Variants in NCAM2 observed in about 807,000 individuals in gnomAD.
The protein encoded by NCAM2 is N-CAM-2.
Under a neutral mutation model 98.1 loss-of-function variants are expected in NCAM2, and 30 were observed. The ratio of observed to expected loss-of-function variants is 0.31; its 90% confidence interval spans 0.23 to 0.41. The LOEUF (loss-of-function observed/expected upper bound fraction) is 0.41, where lower values mean the gene tolerates loss of function less well. NCAM2 is among the 10% of genes least tolerant of loss of function. The pLI is 1.00. For missense variants in NCAM2, 867 were observed against 1,005.8 expected (o/e 0.86, Z 1.87); for synonymous variants, 368 against 342.4 (o/e 1.07, Z -0.83).
chr21:21,357,541 T>C (rs1451811344), intron 8 of NCAM2, among the ~76,000 whole-genome samples: 6 of 152,068 alleles, frequency 3.9e-5, no homozygotes, highest in African/African-American at 7.2e-5. Context: ...TAAAAAAAGC[T>C]CTGGTGAAAT....
chr21:21,023,447 C>G (rs1232513382), intron 1 of NCAM2, among the ~76,000 whole-genome samples: 1 of 151,482 alleles, frequency 6.6e-6, no homozygotes, highest in Non-Finnish European at 1.5e-5. Flanking sequence ...TCACTTGAAT[C>G]TGGGAGGCGG....
chr21:21,284,139 T>G, intron 2 of NCAM2, 55 bp from the exon 3 acceptor site: 1 of 1,408,250 alleles, frequency 7.1e-7, no homozygotes, highest in Non-Finnish European at 1.0e-6. Flanking sequence ...ATGCCAATGT[T>G]CAAACAAATA....
chr21:21,146,759 T>G (rs887444256), intron 1 of NCAM2, among the ~76,000 whole-genome samples: 2 of 152,114 alleles, frequency 1.3e-5, no homozygotes, highest in Admixed American at 6.5e-5. Flanking sequence ...TAAATTTTCC[T>G]TGGATAACAC....
chr21:21,030,491 G>C (rs771882308), intron 1 of NCAM2, among the ~76,000 whole-genome samples: 6 of 152,124 alleles, frequency 3.9e-5, no homozygotes, highest in African/African-American at 7.2e-5. Context: ...TCTTGGGATT[G>C]TTTTAAACTC....
At chr21:21,308,436 A>G (rs908182613) in intron 5 of NCAM2, among the ~76,000 whole-genome samples, 3 of 152,144 alleles carry the variant, frequency 2.0e-5, no homozygotes, top group Non-Finnish European at 4.4e-5. Context: ...TACTATAAAC[A>G]TTATGAATCA....
chr21:21,516,535 T>G (rs533096266), intron 16 of NCAM2, among the ~76,000 whole-genome samples: 7 of 152,254 alleles, frequency 4.6e-5, no homozygotes, highest in South Asian at 4.1e-4. Context: ...GTGCCTAAAA[T>G]TCAAGAAACT....
At chr21:21,368,218 A>G (rs1347185867) in intron 8 of NCAM2, among the ~76,000 whole-genome samples, 1 of 151,994 alleles carries the variant, frequency 6.6e-6, no homozygotes, top group African/African-American at 2.4e-5. Flanking sequence ...ACAATCTACT[A>G]ATGTAGATAA....
intron 5 of NCAM2, among the ~76,000 whole-genome samples, chr21:21,312,688 A>G (rs187578050): frequency 1.3e-5 from 2 of 151,844 alleles, no homozygotes; most frequent in East Asian, 3.9e-4. Flanking sequence ...ATTTTCTTGT[A>G]CCATATATGA....
Position 21,324,445 on chromosome 21 carries a change from A to G in NCAM2, c.682A>G (p.Met228Val). ...FNATAERGEE[M>V]TFSCRASGSP... ...TGCCACAGCAGAGAGAGGAGAAGAAATGACATTTTCCTGCAGGGCCTCAGG... is the reference window on the plus strand; with the variant it reads ...TGCCACAGCAGAGAGAGGAGAAGAAGTGACATTTTCCTGCAGGGCCTCAGG... Residue 228 changes from methionine (M) to valine (V), a missense_variant, in exon 6 of 18, where the codon ATG becomes GTG. This residue lies in a region of NCAM2 where 447 missense variants were observed against 495.7 expected (regional missense o/e 0.90). Transcript: ENST00000400546. The G allele has an allele frequency of 6.2e-7, 1 of 1,613,844 alleles. No individual in the cohort carries two copies. Among genetic ancestry groups the G allele is most frequent in the Non-Finnish European group, 8.5e-7 (1 of 1,179,840 alleles).
At chr21:21,418,719 T>A (rs918849019) in intron 11 of NCAM2, 150 bp downstream of exon 11, 15 of 675,480 alleles carry the variant, frequency 2.2e-5, no homozygotes, top group Non-Finnish European at 3.5e-5. Context: ...ACCAGAGGCT[T>A]GGTAGTATAT....
chr21:21,372,650 G>A (rs2075945752), intron 8 of NCAM2, among the ~76,000 whole-genome samples: 1 of 151,798 alleles, frequency 6.6e-6, no homozygotes, highest in African/African-American at 2.4e-5. Context: ...TTTAGTGCAA[G>A]TATTTGACTC....
chr21:21,472,640 A>G (rs993684), intron 14 of NCAM2, among the ~76,000 whole-genome samples: 84,742 of 151,502 alleles, frequency 0.56, 25,096 homozygotes, highest in African/African-American at 0.7. Context: ...AGCTCACTAT[A>G]CAATTATAAA....
intron 9 of NCAM2, among the ~76,000 whole-genome samples, chr21:21,389,852 G>A (rs2076343491): frequency 6.6e-6 from 1 of 151,930 alleles, no homozygotes; most frequent in Admixed American, 6.6e-5. Flanking sequence ...CCATATTATG[G>A]CTATTATTAT....
intron 5 of NCAM2, among the ~76,000 whole-genome samples, chr21:21,297,459 A>G (rs1006819822): frequency 2.0e-5 from 3 of 151,752 alleles, no homozygotes. Context: ...CTTTCCTCAT[A>G]TCATCATACC....
At chr21:21,373,717 A>G (rs938020048) in intron 8 of NCAM2, 146 bp from the exon 9 acceptor site, 9 of 658,438 alleles carry the variant, frequency 1.4e-5, no homozygotes, top group African/African-American at 1.1e-4. Flanking sequence ...ATTCTTAGCT[A>G]TACAAGAAAT....
intron 15 of NCAM2, among the ~76,000 whole-genome samples, chr21:21,494,489 C>T (rs1254738054): frequency 1.3e-5 from 2 of 151,222 alleles, no homozygotes; most frequent in East Asian, 3.9e-4. Flanking sequence ...ATCTTTGAAG[C>T]TGCCTTTTCT....
chr21:21,530,531 TA>T (rs1161820967), intron 16 of NCAM2, among the ~76,000 whole-genome samples: 1 of 150,776 alleles, frequency 6.6e-6, no homozygotes, highest in Admixed American at 6.6e-5. Context: ...CTATAGTTTG[TA>T]AAAAATAATA....
chr21:21,495,501 A>C (rs1448632705), intron 15 of NCAM2, among the ~76,000 whole-genome samples: 1 of 151,928 alleles, frequency 6.6e-6, no homozygotes, highest in Non-Finnish European at 1.5e-5. Flanking sequence ...GCTTCCCTCC[A>C]ATGACTCCCT....
chr21:21,443,067 T>C (rs950286994), intron 12 of NCAM2, among the ~76,000 whole-genome samples: 3 of 152,182 alleles, frequency 2.0e-5, no homozygotes, highest in Non-Finnish European at 4.4e-5. Flanking sequence ...GATTTTGGTA[T>C]GTTGTGTCTC....
Sources: gnomAD v4.1 joint callset for allele counts (sites outside exome capture counted in the v4.1 genomes callset) on GRCh38, gnomAD v4.1.1 for gene constraint, gnomAD v4.1.1 regional missense constraint, MANE v1.5 for transcripts, NCBI Gene and HGNC (gene_info 2026-07-23, HGNC 2026-07-21) for gene names.